The following HYCC1 variants were observed in gnomAD, a reference collection of about 807,000 sequenced individuals.
HYCC1 encodes hyccin PI4KA lipid kinase complex subunit 1, also known as hyccin.
chr7:23,010,429 T>C, the HYCC1 span, among the ~76,000 whole-genome samples: 1 of 152,158 alleles, frequency 6.6e-6, no homozygotes, highest in East Asian at 1.9e-4. Flanking sequence ...CAACCATGGC[T>C]GCACACTGGA....
the HYCC1 span, among the ~76,000 whole-genome samples, chr7:22,926,541 A>T: frequency 3.4e-4 from 52 of 152,262 alleles, no homozygotes; most frequent in East Asian, 6.6e-3. Flanking sequence ...TCCTAGTCTC[A>T]GATAAAACAG....
chr7:23,005,704 T>C, the HYCC1 span, among the ~76,000 whole-genome samples: 58 of 152,340 alleles, frequency 3.8e-4, no homozygotes, highest in Middle Eastern at 3.4e-3. Flanking sequence ...TCTATGGTGG[T>C]TGTTCTTCTG....
At chr7:22,946,503 G>T in the HYCC1 span, among the ~76,000 whole-genome samples, 2 of 151,974 alleles carry the variant, frequency 1.3e-5, no homozygotes. Context: ...CTCTCCTTCA[G>T]TAGCAAAGCA....
the HYCC1 span, chr7:22,946,197 T>G: frequency 6.5e-7 from 1 of 1,547,536 alleles, no homozygotes; most frequent in Non-Finnish European, 8.9e-7. Flanking sequence ...TAATTAACAT[T>G]AAGTATTTTA....
At chr7:22,908,480 G>A in the HYCC1 span, among the ~76,000 whole-genome samples, 1 of 152,158 alleles carries the variant, frequency 6.6e-6, no homozygotes, top group Non-Finnish European at 1.5e-5. Context: ...GCATTATGTG[G>A]AGAGGTAATG....
At chr7:22,942,514 G>A in the HYCC1 span, 4 of 152,142 alleles carry the variant, frequency 2.6e-5, no homozygotes, top group African/African-American at 9.7e-5. Context: ...AGCTAGTGCT[G>A]GCTCCAGTGC....
At chr7:23,008,075 A>T in the HYCC1 span, among the ~76,000 whole-genome samples, 1 of 152,130 alleles carries the variant, frequency 6.6e-6, no homozygotes, top group African/African-American at 2.4e-5. Context: ...ATGTCCTAAG[A>T]AAAAGAAATA....
the HYCC1 span, chr7:22,976,572 T>C: frequency 5.5e-6 from 4 of 732,938 alleles, no homozygotes; most frequent in East Asian, 8.1e-5. Context: ...TTGTATAAAA[T>C]GACTCAGTAT....
chr7:22,998,906 C>G, the HYCC1 span, among the ~76,000 whole-genome samples: 3 of 152,170 alleles, frequency 2.0e-5, no homozygotes, highest in Admixed American at 6.5e-5. Context: ...CACTATTCTC[C>G]AAAATAATCC....
chr7:22,947,368 T>C, the HYCC1 span: 1 of 710,880 alleles, frequency 1.4e-6, no homozygotes, highest in Admixed American at 2.7e-5. Flanking sequence ...AAGCCAAATA[T>C]TTGCACTGTA....
chr7:22,965,083 AAGAT>A, the HYCC1 span, among the ~76,000 whole-genome samples: 1 of 151,310 alleles, frequency 6.6e-6, no homozygotes, highest in Non-Finnish European at 1.5e-5. Context: ...GCAGTAAGCC[AAGAT>A]CGAGCCACTG....
chr7:22,944,365 T>A, the HYCC1 span: 4 of 152,280 alleles, frequency 2.6e-5, no homozygotes, highest in South Asian at 8.3e-4. Context: ...TACAGATACA[T>A]ACAAGTTTGT....
the HYCC1 span, chr7:22,941,328 A>C: frequency 6.6e-6 from 1 of 152,180 alleles, no homozygotes; most frequent in African/African-American, 2.4e-5. Context: ...ACATATGGAG[A>C]ACATTTACAC....
the HYCC1 span, among the ~76,000 whole-genome samples, chr7:22,998,306 A>G: frequency 2.6e-5 from 4 of 152,296 alleles, no homozygotes; most frequent in South Asian, 8.3e-4. Context: ...TTTTTGAGCC[A>G]GCATTCAAAT....
chr7:22,906,433 C>T, the HYCC1 span, among the ~76,000 whole-genome samples: 5 of 152,010 alleles, frequency 3.3e-5, no homozygotes, highest in African/African-American at 1.2e-4. Flanking sequence ...CAAAAATCAG[C>T]CGAGCATGGT....
the HYCC1 span, among the ~76,000 whole-genome samples, chr7:22,953,191 T>G: frequency 2.6e-4 from 40 of 151,772 alleles, no homozygotes; most frequent in African/African-American, 9.7e-4. Context: ...ACCAGGTGAA[T>G]CCTTTATGAT....
At chr7:22,966,683 T>C in the HYCC1 span, among the ~76,000 whole-genome samples, 1 of 152,308 alleles carries the variant, frequency 6.6e-6, no homozygotes, top group South Asian at 2.1e-4. Flanking sequence ...GAACTTAAAG[T>C]TATTTCCCCT....
chr7:22,946,858 A>G, the HYCC1 span: 1 of 951,268 alleles, frequency 1.1e-6, no homozygotes, highest in South Asian at 1.7e-5. Flanking sequence ...AATGTGGTGC[A>G]TAATTCATGC....
chr7:22,953,351 A>G, the HYCC1 span, among the ~76,000 whole-genome samples: 1 of 151,898 alleles, frequency 6.6e-6, no homozygotes, highest in African/African-American at 2.4e-5. Flanking sequence ...GTGCTCAATA[A>G]TCAATAATAA....
Sources: allele counts gnomAD v4.1 joint callset (sites outside exome capture counted in the v4.1 genomes callset), GRCh38; gene constraint gnomAD v4.1.1; transcripts MANE v1.5; gene names NCBI Gene and HGNC (gene_info 2026-07-23, HGNC 2026-07-21).